The following ZDHHC15 variants were observed in gnomAD, a reference collection of about 807,000 sequenced individuals.
ZDHHC15 encodes the protein palmitoyltransferase ZDHHC15.
A neutral mutation model predicts 31.7 loss-of-function variants in ZDHHC15; 19 were observed. That is an observed-to-expected ratio of 0.60 (90% CI 0.42 to 0.88). The LOEUF is 0.88. Ranked by LOEUF, ZDHHC15 falls within the 40% of genes least tolerant of loss-of-function variation. The pLI, the probability that ZDHHC15 is intolerant of heterozygous loss-of-function variation, is 0.00. For synonymous variants in ZDHHC15, 103 were observed against 90.0 expected, an observed-to-expected ratio of 1.14 and a Z score of -0.82; for missense variants, 209 against 251.2, an observed-to-expected ratio of 0.83 and a Z score of 1.14.
intron 2 of ZDHHC15, among the ~76,000 whole-genome samples, chrX:75,487,542 T>C (rs1369601436): frequency 9.0e-6 from 1 of 111,559 alleles, no homozygotes; most frequent in Non-Finnish European, 1.9e-5. Context: ...AGCCCTTGAG[T>C]TGCAAATCTT....
At chrX:75,488,201 C>A (rs73625848) in intron 2 of ZDHHC15, among the ~76,000 whole-genome samples, 9,125 of 111,088 alleles carry the variant, frequency 0.082, 549 homozygotes, top group African/African-American at 0.22. Flanking sequence ...AAAAGATCAT[C>A]CCTAGGCATA....
intron 3 of ZDHHC15, among the ~76,000 whole-genome samples, chrX:75,469,105 C>T (rs2084461585): frequency 9.1e-6 from 1 of 110,304 alleles, no homozygotes; most frequent in South Asian, 3.8e-4. Context: ...TCTTTTATTA[C>T]TTGTGCTTTT....
intron 3 of ZDHHC15, among the ~76,000 whole-genome samples, chrX:75,452,467 T>C (rs1369533108): frequency 9.0e-6 from 1 of 110,966 alleles, no homozygotes; most frequent in Non-Finnish European, 1.9e-5. Flanking sequence ...ACTGTCAATA[T>C]TAGACAGATC....
intron 10 of ZDHHC15, chrX:75,384,210 T>G (rs1461831772): frequency 6.8e-6 from 3 of 438,273 alleles, no homozygotes; most frequent in Non-Finnish European, 1.2e-5. Flanking sequence ...CCCAAATATG[T>G]AATCAAAAGT....
At chrX:75,461,202 C>T (rs1427072128) in intron 3 of ZDHHC15, among the ~76,000 whole-genome samples, 3 of 111,674 alleles carry the variant, frequency 2.7e-5, no homozygotes, top group African/African-American at 9.8e-5. Context: ...AGCTTGAAGA[C>T]TATCTTTCTG....
chrX:75,514,954 C>A, intron 1 of ZDHHC15, among the ~76,000 whole-genome samples: 1 of 112,129 alleles, frequency 8.9e-6, no homozygotes, highest in Middle Eastern at 4.6e-3. Flanking sequence ...CATCTCTATG[C>A]AAATAAACTA....
At chrX:75,392,802 G>T (rs2083261074) in intron 10 of ZDHHC15, among the ~76,000 whole-genome samples, 1 of 111,684 alleles carries the variant, frequency 9.0e-6, no homozygotes, top group South Asian at 3.8e-4. Context: ...AAACAAGGAG[G>T]AAATACTCAT....
intron 1 of ZDHHC15, among the ~76,000 whole-genome samples, chrX:75,522,093 A>T (rs917909615): frequency 9.0e-6 from 1 of 111,003 alleles, no homozygotes; most frequent in Non-Finnish European, 1.9e-5. Flanking sequence ...TCCTCAAAGC[A>T]AGAAGGCAGG....
intron 1 of ZDHHC15, 137 bp downstream of exon 1, chrX:75,522,752 G>A (rs2085460397): frequency 1.2e-6 from 1 of 857,768 alleles, no homozygotes; most frequent in Non-Finnish European, 1.6e-6. Flanking sequence ...AGAGGCTGGG[G>A]ACAAGGAACT....
intron 2 of ZDHHC15, among the ~76,000 whole-genome samples, chrX:75,502,690 C>T (rs1297690495): frequency 1.8e-5 from 2 of 110,763 alleles, no homozygotes; most frequent in Admixed American, 1.9e-4. Context: ...TAATCATCAC[C>T]TCATCCCTGG....
intron 7 of ZDHHC15, among the ~76,000 whole-genome samples, chrX:75,425,794 C>T (rs1277836904): frequency 1.8e-5 from 2 of 111,783 alleles, no homozygotes; most frequent in South Asian, 3.7e-4. Flanking sequence ...GGCTTGGCAA[C>T]ACTTGGCAAG....
intron 7 of ZDHHC15, 25 bp from the exon 8 acceptor site, chrX:75,424,809 A>C: frequency 8.6e-7 from 1 of 1,167,854 alleles, no homozygotes; most frequent in Non-Finnish European, 1.1e-6. Context: ...ATAAACAAGC[A>C]AAAGATTAAA....
intron 1 of ZDHHC15, among the ~76,000 whole-genome samples, chrX:75,509,553 C>T (rs1015738479): frequency 3.6e-5 from 4 of 111,774 alleles, no homozygotes; most frequent in African/African-American, 6.5e-5. Flanking sequence ...TCTTTTTTAA[C>T]GAATGACATG....
At chrX:75,390,612 T>C (rs1443090565) in intron 10 of ZDHHC15, among the ~76,000 whole-genome samples, 2 of 111,806 alleles carry the variant, frequency 1.8e-5, no homozygotes, top group East Asian at 2.8e-4. Context: ...CAAGATGGTA[T>C]TTATATGAGT....
At chrX:75,499,576 T>C (rs1312822551) in intron 2 of ZDHHC15, among the ~76,000 whole-genome samples, 2 of 111,623 alleles carry the variant, frequency 1.8e-5, no homozygotes, top group Non-Finnish European at 3.8e-5. Context: ...CACAATGAGA[T>C]ACCACCTTAT....
At chrX:75,445,502 C>G (rs747346229) in intron 4 of ZDHHC15, among the ~76,000 whole-genome samples, 2 of 111,885 alleles carry the variant, frequency 1.8e-5, no homozygotes, top group South Asian at 3.7e-4. Context: ...CATGACTGAA[C>G]AAAGTGCTAA....
intron 10 of ZDHHC15, among the ~76,000 whole-genome samples, chrX:75,384,098 C>A (rs907916606): frequency 3.6e-5 from 4 of 111,198 alleles, no homozygotes; most frequent in African/African-American, 1.3e-4. Context: ...ACTTGGTCAA[C>A]CAGACAGCCA....
intron 10 of ZDHHC15, among the ~76,000 whole-genome samples, chrX:75,399,257 G>T (rs1194487299): frequency 9.0e-6 from 1 of 111,620 alleles, no homozygotes; most frequent in Non-Finnish European, 1.9e-5. Flanking sequence ...CAACTCCCTG[G>T]ACAGAGCCTC....
rs1602690218 is a variant in ZDHHC15 at position 75,474,792 on chromosome X, T to C, written c.258+4099A>G. 2.7e-5 allele frequency among the ~76,000 whole-genome samples: 3 copies of C among 110,642 alleles called. 1 individual carries two copies. In the Admixed American group the frequency reaches 2.9e-4, roughly 11 times the overall value. On this transcript the variant is annotated intron_variant, in intron 3 of 11. Transcript: ENST00000373367. Reference sequence around the variant, plus strand: ...AAATGAGTTGGCCGGGCGCGGTGGCTCATGCCTGTAATCCCAGCACTTTGG... The same window carrying C: ...AAATGAGTTGGCCGGGCGCGGTGGCCCATGCCTGTAATCCCAGCACTTTGG...
Sources: allele counts gnomAD v4.1 joint callset (sites outside exome capture counted in the v4.1 genomes callset), GRCh38; gene constraint gnomAD v4.1.1; transcripts MANE v1.5; gene names NCBI Gene and HGNC (gene_info 2026-07-23, HGNC 2026-07-21).